PDHX: variants seen among roughly 807,000 people sequenced by gnomAD.
PDHX encodes pyruvate dehydrogenase protein X component, mitochondrial.
A neutral mutation model predicts 55.3 loss-of-function variants in PDHX; 33 were observed. The observed-to-expected ratio is 0.60, with a 90% CI of 0.45 to 0.80. The LOEUF is 0.80. Among genes scored for constraint, PDHX ranks in the 30% least tolerant of loss-of-function variants. The pLI is 0.00. For missense variants in PDHX, 622 were observed against 619.9 expected, an observed-to-expected ratio of 1.00 and a Z score of -0.04; for synonymous variants, 226 against 219.4, an observed-to-expected ratio of 1.03 and a Z score of -0.27.
chr11:34,984,469 A>G (rs554029173), intron 8 of PDHX, 101 bp from the exon 9 acceptor site: 197 of 927,322 alleles, frequency 2.1e-4, no homozygotes, highest in Admixed American at 3.4e-4. Flanking sequence ...TCTCTTATCT[A>G]GCTATGTTCA....
intron 1 of PDHX, among the ~76,000 whole-genome samples, chr11:34,917,505 C>T (rs1050323055): frequency 6.6e-6 from 1 of 152,048 alleles, no homozygotes; most frequent in Non-Finnish European, 1.5e-5. Context: ...AATGGCAGGC[C>T]GGGTATTATT....
intron 3 of PDHX, among the ~76,000 whole-genome samples, chr11:34,952,981 A>C (rs547706420): frequency 2.1e-4 from 32 of 152,206 alleles, no homozygotes; most frequent in African/African-American, 7.2e-4. Flanking sequence ...CTAATAAGCA[A>C]CTTCAGCAAA....
At chr11:34,933,095 G>A (rs921083935) in intron 2 of PDHX, among the ~76,000 whole-genome samples, 3 of 152,188 alleles carry the variant, frequency 2.0e-5, no homozygotes, top group African/African-American at 4.8e-5. Context: ...GGAGGGAACC[G>A]TGTGGGGGAG....
intron 6 of PDHX, among the ~76,000 whole-genome samples, chr11:34,967,365 A>G (rs561224823): frequency 9.8e-5 from 15 of 152,366 alleles, no homozygotes; most frequent in Non-Finnish European, 2.1e-4. Context: ...CATTAGAACT[A>G]TAATTCAATT....
At chr11:34,962,882 G>T (rs577382706) in intron 5 of PDHX, among the ~76,000 whole-genome samples, 1 of 152,098 alleles carries the variant, frequency 6.6e-6, no homozygotes, top group South Asian at 2.1e-4. Flanking sequence ...CATTTCTTAA[G>T]AACAAAATGG....
At chr11:34,946,809 A>G (rs1019013712) in intron 2 of PDHX, among the ~76,000 whole-genome samples, 1 of 152,190 alleles carries the variant, frequency 6.6e-6, no homozygotes, top group African/African-American at 2.4e-5. Context: ...TGAGTCCCCT[A>G]TATCCAACAG....
intron 7 of PDHX, among the ~76,000 whole-genome samples, chr11:34,974,093 A>G (rs867696107): frequency 6.6e-6 from 1 of 152,202 alleles, no homozygotes; most frequent in African/African-American, 2.4e-5. Flanking sequence ...GTACATTTAC[A>G]TTGTTTGCAA....
chr11:34,918,244 C>T (rs1458278840), intron 1 of PDHX, among the ~76,000 whole-genome samples: 2 of 151,218 alleles, frequency 1.3e-5, no homozygotes, highest in Non-Finnish European at 2.9e-5. Flanking sequence ...GGAGACCAGC[C>T]CGGGCAACAA....
chr11:34,984,857 A>C, intron 9 of PDHX, 129 bp downstream of exon 9: 1 of 871,114 alleles, frequency 1.1e-6, no homozygotes. Flanking sequence ...GAGTTATTTC[A>C]TCAAGTGATT....
At chr11:34,986,878 G>A (rs1183278981) in intron 9 of PDHX, among the ~76,000 whole-genome samples, 1 of 152,142 alleles carries the variant, frequency 6.6e-6, no homozygotes, top group Non-Finnish European at 1.5e-5. Flanking sequence ...CATTCTACCT[G>A]CTTCTCTTTC....
intron 3 of PDHX, among the ~76,000 whole-genome samples, chr11:34,950,055 C>T (rs1317952239): frequency 1.3e-5 from 2 of 152,060 alleles, no homozygotes; most frequent in African/African-American, 4.8e-5. Flanking sequence ...TTCACTTTAT[C>T]TCACTCAAAT....
upstream of PDHX, chr11:34,916,454 A>ATATCCGGTAAGGCCCCGCCGGCTGG: frequency 1.4e-6 from 2 of 1,465,492 alleles, no homozygotes; most frequent in Non-Finnish European, 1.8e-6. Context: ...CCGCCGGCTG[A>ATATCCGGTAAGGCCCCGCCGGCTGG]GATATCCAGC....
intron 2 of PDHX, among the ~76,000 whole-genome samples, chr11:34,939,764 T>G (rs1053437874): frequency 2.6e-5 from 4 of 152,238 alleles, no homozygotes; most frequent in Admixed American, 2.6e-4. Context: ...GTTGAACTCA[T>G]GATTCTAAGA....
intron 8 of PDHX, among the ~76,000 whole-genome samples, chr11:34,983,469 A>G (rs1855566530): frequency 6.6e-6 from 1 of 152,230 alleles, no homozygotes; most frequent in Non-Finnish European, 1.5e-5. Flanking sequence ...AATTAGGAAA[A>G]GAAGAAGTCA....
chr11:34,922,768 AT>A lies in PDHX; in HGVS notation c.160+5956del, dbSNP rs1410777394. On this transcript the variant is annotated intron_variant, in intron 1 of 10. Coordinates refer to ENST00000227868, the MANE Select transcript of PDHX (RefSeq NM_003477.3). Reference sequence around the variant, plus strand: ...ATATATTGACTTCTCCTATCTGTAAATTTCTAAGGTGATGTACTCTTAAATA... The same window carrying A: ...ATATATTGACTTCTCCTATCTGTAAATTCTAAGGTGATGTACTCTTAAATA... Among the ~76,000 whole-genome samples the A allele has an allele frequency of 3.3e-5, 5 of 150,058 alleles. No individual in the cohort carries two copies. In the East Asian group the frequency reaches 9.9e-4, roughly 30 times the overall value.
chr11:34,959,759 A>G (rs1467911368), intron 4 of PDHX, among the ~76,000 whole-genome samples: 1 of 152,176 alleles, frequency 6.6e-6, no homozygotes. Context: ...TGCTGCATGG[A>G]TAAACCTTGA....
At chr11:34,929,677 T>A (rs1449861168) in intron 1 of PDHX, among the ~76,000 whole-genome samples, 1 of 152,216 alleles carries the variant, frequency 6.6e-6, no homozygotes. Flanking sequence ...AACATTGAGA[T>A]GTAAAGTTAG....
Position 34,960,505 on chromosome 11 carries a change from A to T in PDHX, c.628A>T (p.Ile210Leu), listed in dbSNP as rs1435394632. ...SQGTATGPRG[I>L]FTKEDALKLV... Reference sequence around the variant, plus strand: ...GGGCACAGCCACTGGCCCTCGGGGGATATTCACTAAAGAGTATGTGTTTGC... The same window carrying T: ...GGGCACAGCCACTGGCCCTCGGGGGTTATTCACTAAAGAGTATGTGTTTGC... The change falls in exon 5 of 11, where the codon ATA becomes TTA. Residue 210 changes from isoleucine to leucine, a missense_variant. Physicochemically the swap from Ile to Leu is conservative, Grantham distance 5 (BLOSUM62 2). Transcript: ENST00000227868. 4 of 1,594,726 alleles carry T rather than the reference A, an allele frequency of 2.5e-6. No homozygotes were observed. The African/African-American group carries it at 4.0e-5, about 16-fold the overall frequency.
chr11:34,939,395 A>G (rs1854416813), intron 2 of PDHX, among the ~76,000 whole-genome samples: 1 of 152,204 alleles, frequency 6.6e-6, no homozygotes, highest in South Asian at 2.1e-4. Context: ...CATTCAATGG[A>G]CAGCAGTTCA....
Sources: gnomAD v4.1 joint callset for allele counts (sites outside exome capture counted in the v4.1 genomes callset) on GRCh38, gnomAD v4.1.1 for gene constraint, MANE v1.5 for transcripts, NCBI Gene and HGNC (gene_info 2026-07-23, HGNC 2026-07-21) for gene names.